WWTR1: variants seen among roughly 807,000 people sequenced by gnomAD.
The protein encoded by WWTR1 is WW domain-containing transcription regulator protein 1.
Under a neutral mutation model 40.1 loss-of-function variants are expected in WWTR1, and 13 were observed. That is an observed-to-expected ratio of 0.32 (90% CI 0.21 to 0.52). The LOEUF (loss-of-function observed/expected upper bound fraction) is 0.52. Ranked by LOEUF, WWTR1 falls within the 20% of genes least tolerant of loss-of-function variation. WWTR1 has a pLI of 0.97. For synonymous variants in WWTR1, 230 were observed against 210.1 expected, an observed-to-expected ratio of 1.09 and a Z score of -0.82; for missense variants, 436 against 523.1, an observed-to-expected ratio of 0.83 and a Z score of 1.63.
intron 3 of WWTR1, among the ~76,000 whole-genome samples, chr3:149,547,225 T>TAA (rs55910448): frequency 0.014 from 1,823 of 134,630 alleles, 27 homozygotes; most frequent in African/African-American, 0.034. Context: ...ATAGTTCCAT[T>TAA]AAAAAAAAAA....
chr3:149,602,078 G>C (rs918968762), intron 2 of WWTR1, among the ~76,000 whole-genome samples: 2 of 151,990 alleles, frequency 1.3e-5, no homozygotes, highest in Non-Finnish European at 2.9e-5. Context: ...CCACAAACCA[G>C]GTCCTACTAG....
intron 2 of WWTR1, among the ~76,000 whole-genome samples, chr3:149,633,158 G>A (rs561603432): frequency 9.8e-5 from 15 of 152,322 alleles, no homozygotes; most frequent in African/African-American, 3.4e-4. Flanking sequence ...GGAGGCTGAG[G>A]TGGGACCATG....
intron 3 of WWTR1, among the ~76,000 whole-genome samples, chr3:149,543,302 G>A (rs1207265129): frequency 2.6e-5 from 4 of 151,906 alleles, no homozygotes; most frequent in African/African-American, 9.7e-5. Flanking sequence ...TCACTTTACG[G>A]CCAGGAGCAG....
Position 149,552,325 on chromosome 3 carries a change from T to A in WWTR1, c.569-9788A>T, listed in dbSNP as rs1427027889. 8.3e-5 allele frequency among the ~76,000 whole-genome samples: 9 copies of A among 109,080 alleles called. 1 individual carries two copies. Among genetic ancestry groups the A allele is most frequent in the African/African-American group, 1.2e-4 (3 of 26,036 alleles). 71.6% of individuals were successfully genotyped at this position (109,080 alleles called of 152,430 possible). On this transcript the variant is annotated intron_variant, in intron 3 of 6. Transcript: ENST00000360632. ...TTTCAAATCTGATTAAGGCACAGAG[T>A]AGGCACTAAATACATTCTCCCCAAA...
At chr3:149,542,254 C>T (rs988817080) in intron 4 of WWTR1, 81 bp downstream of exon 4, 2 of 1,483,352 alleles carry the variant, frequency 1.3e-6, no homozygotes, top group African/African-American at 1.4e-5. Context: ...GAAGAATTAC[C>T]CTGAAGGTAA....
intron 2 of WWTR1, among the ~76,000 whole-genome samples, chr3:149,599,804 GTTA>G (rs1240246336): frequency 6.6e-6 from 1 of 152,138 alleles, no homozygotes; most frequent in Non-Finnish European, 1.5e-5. Context: ...GATCCATTAA[GTTA>G]CATGTTCAAA....
rs1168906301 is a variant in WWTR1 at position 149,551,068 on chromosome 3, C to T, written c.569-8531G>A. On this transcript the variant is annotated intron_variant, in intron 3 of 6. Transcript: ENST00000360632. ...ATCCCAGCACTTTGGGAGGCTGAGG[C>T]GGGCAAATCACCTGAGGTCGGGAGT... Among the ~76,000 whole-genome samples, 9 of 144,458 alleles carry T rather than the reference C, an allele frequency of 6.2e-5. 2 individuals carry two copies. Among genetic ancestry groups the T allele is most frequent in the Non-Finnish European group, 1.1e-4 (7 of 66,028 alleles). The allele number at this position is 144,458 out of a possible 152,430, so 94.8% of individuals were successfully genotyped here.
chr3:149,608,708 T>TAA (rs1739598664), intron 2 of WWTR1, among the ~76,000 whole-genome samples: 1 of 151,808 alleles, frequency 6.6e-6, no homozygotes, highest in South Asian at 2.1e-4. Context: ...TTTTAAAAGG[T>TAA]AAATTGCAAT....
At chr3:149,540,275 T>G in intron 4 of WWTR1, 1 of 456,722 alleles carries the variant, frequency 2.2e-6, no homozygotes, top group Non-Finnish European at 4.4e-6. Flanking sequence ...TTAAGGAACT[T>G]GGTTGGCATT....
intron 2 of WWTR1, among the ~76,000 whole-genome samples, chr3:149,602,733 C>T (rs945511172): frequency 2.6e-5 from 4 of 152,180 alleles, no homozygotes; most frequent in Non-Finnish European, 4.4e-5. Context: ...GGCACGATCT[C>T]GGCTCACTGC....
chr3:149,576,222 T>A, intron 2 of WWTR1: 1 of 397,698 alleles, frequency 2.5e-6, no homozygotes, highest in Non-Finnish European at 5.0e-6. Flanking sequence ...CAAGTAAGAG[T>A]GAGCTATTGC....
chr3:149,703,009 T>C (rs1715243243), intron 1 of WWTR1: 2 of 152,240 alleles, frequency 1.3e-5, no homozygotes. Context: ...TAACATTTAC[T>C]ATGGAGTTAA....
intron 3 of WWTR1, among the ~76,000 whole-genome samples, chr3:149,558,642 A>G (rs1036138982): frequency 6.6e-6 from 1 of 152,238 alleles, no homozygotes; most frequent in African/African-American, 2.4e-5. Flanking sequence ...TGAGAAGAAC[A>G]CAACATCACT....
In WWTR1 at chr3:149,572,878, G is replaced by A. The variant is rs1349916739; in HGVS notation, c.554C>T (p.Ser185Phe). 8 of 1,613,596 alleles carry A rather than the reference G, an allele frequency of 5.0e-6. No homozygotes were observed. Among genetic ancestry groups the A allele is most frequent in the Non-Finnish European group, 6.8e-6 (8 of 1,179,938 alleles). The change falls in exon 3 of 7, where the codon TCC (serine) becomes TTC (phenylalanine). Residue 185 changes from serine (S) to phenylalanine (F), a missense_variant. By Grantham distance (155) the Ser-to-Phe change is radical. Coordinates refer to ENST00000360632, the MANE Select transcript of WWTR1 (RefSeq NM_015472.6). ...TPVPQRSMAV[S>F]QPNLVMNHQH... is the part of the protein sequence containing the mutation. ...TTGAGGCTTACCGAGATTTGGCTGG[G>A]ATACTGCCATGGACCTCTGAGGCAC...
rs73155022 is a variant in WWTR1, at chr3:149,622,854, C to A, written c.431+34022G>T. On this transcript the variant is annotated intron_variant, in intron 2 of 6. Transcript: ENST00000360632. ...GCAGTAAGCTCACATCACACCACTG[C>A]GCTCCAGTCTGGGTGACAGAGTGAG... is the stretch of plus-strand genomic sequence containing the variant. Among the ~76,000 whole-genome samples, 5 of 151,848 alleles carry A rather than the reference C, an allele frequency of 3.3e-5. No homozygotes were observed. In the East Asian group the frequency reaches 7.7e-4, roughly 24 times the overall value.
At chr3:149,553,011 A>G (rs1352844273) in intron 3 of WWTR1, among the ~76,000 whole-genome samples, 1 of 152,228 alleles carries the variant, frequency 6.6e-6, no homozygotes, top group Non-Finnish European at 1.5e-5. Flanking sequence ...AACAGGGCCC[A>G]GCTTTTGGAA....
intron 2 of WWTR1, among the ~76,000 whole-genome samples, chr3:149,654,764 T>A (rs1316775603): frequency 6.6e-6 from 1 of 152,210 alleles, no homozygotes; most frequent in Non-Finnish European, 1.5e-5. Context: ...TTTTTAATAA[T>A]CACAGTTATA....
intron 3 of WWTR1, among the ~76,000 whole-genome samples, chr3:149,557,403 C>G (rs77398565): frequency 0.092 from 13,953 of 152,078 alleles, 837 homozygotes; most frequent in Middle Eastern, 0.14. Context: ...AGGACATTGT[C>G]CCCTAGATCA....
intron 2 of WWTR1, among the ~76,000 whole-genome samples, chr3:149,595,158 C>T (rs924604749): frequency 4.6e-5 from 7 of 151,680 alleles, no homozygotes; most frequent in African/African-American, 1.2e-4. Context: ...GACAGGGTTT[C>T]ACCATGCTGC....
Sources: allele counts gnomAD v4.1 joint callset (sites outside exome capture counted in the v4.1 genomes callset), GRCh38; gene constraint gnomAD v4.1.1; transcripts MANE v1.5; gene names NCBI Gene and HGNC (gene_info 2026-07-23, HGNC 2026-07-21).